NOL4: variants seen among roughly 807,000 people sequenced by gnomAD.
NOL4 encodes the protein nucleolar protein 4.
NOL4 carries 17 observed loss-of-function variants against 75.9 expected under a neutral mutation model. That is an observed-to-expected ratio of 0.22 (90% CI 0.15 to 0.34). NOL4 has a LOEUF of 0.34. NOL4 is among the 10% of genes least tolerant of loss of function. The pLI, the probability that NOL4 is intolerant of heterozygous loss-of-function variation, is 1.00. For missense variants in NOL4, 614 were observed against 793.5 expected (o/e 0.77, Z 2.72); for synonymous variants, 292 against 289.9 (o/e 1.01, Z -0.07).
chr18:34,069,689 G>T (rs1409765752), intron 5 of NOL4, among the ~76,000 whole-genome samples: 1 of 151,932 alleles, frequency 6.6e-6, no homozygotes, highest in East Asian at 1.9e-4. Flanking sequence ...ACCCACAATC[G>T]CAGCAACCAG....
At chr18:34,015,729 C>T (rs2074650881) in intron 6 of NOL4, among the ~76,000 whole-genome samples, 1 of 151,988 alleles carries the variant, frequency 6.6e-6, no homozygotes, top group African/African-American at 2.4e-5. Flanking sequence ...ACACATGTCC[C>T]CCGAATGCCT....
At chr18:33,983,681 A>G (rs2072186321) in intron 6 of NOL4, among the ~76,000 whole-genome samples, 1 of 151,822 alleles carries the variant, frequency 6.6e-6, no homozygotes, top group African/African-American at 2.4e-5. Flanking sequence ...CATGCATAAT[A>G]TATATTTACA....
At chr18:34,094,648 G>A (rs999148664) in intron 4 of NOL4, among the ~76,000 whole-genome samples, 3 of 152,182 alleles carry the variant, frequency 2.0e-5, no homozygotes, top group African/African-American at 7.2e-5. Context: ...TGTGCAAAAT[G>A]TAAATGTTTA....
chr18:33,928,930 G>T (rs972100353), intron 9 of NOL4, among the ~76,000 whole-genome samples: 10 of 152,092 alleles, frequency 6.6e-5, no homozygotes, highest in African/African-American at 2.4e-4. Flanking sequence ...AGATTATTTT[G>T]TAGCAGTTAA....
At chr18:34,162,605 C>T (rs1007216687) in intron 1 of NOL4, among the ~76,000 whole-genome samples, 1 of 152,062 alleles carries the variant, frequency 6.6e-6, no homozygotes, top group Non-Finnish European at 1.5e-5. Flanking sequence ...AATAGCTTAC[C>T]AACCAAAAAG....
At chr18:34,035,963 G>T (rs1005499830) in intron 5 of NOL4, among the ~76,000 whole-genome samples, 1 of 152,078 alleles carries the variant, frequency 6.6e-6, no homozygotes, top group Non-Finnish European at 1.5e-5. Context: ...GTAATGAGTA[G>T]TGAGATTGAA....
intron 1 of NOL4, among the ~76,000 whole-genome samples, chr18:34,149,806 A>T (rs906789124): frequency 1.3e-5 from 2 of 151,700 alleles, no homozygotes; most frequent in Non-Finnish European, 3.0e-5. Flanking sequence ...GAAAATGCTT[A>T]GTGATCATTA....
At chr18:34,036,693 G>A (rs554507100) in intron 5 of NOL4, among the ~76,000 whole-genome samples, 106 of 152,280 alleles carry the variant, frequency 7.0e-4, no homozygotes, top group African/African-American at 2.5e-3. Context: ...GGAGGCTGAG[G>A]TGGGTGAATC....
chr18:33,897,137 A>G (rs1220134473), intron 9 of NOL4, among the ~76,000 whole-genome samples: 1 of 152,152 alleles, frequency 6.6e-6, no homozygotes, highest in Non-Finnish European at 1.5e-5. Flanking sequence ...GAGGTTATGG[A>G]GAAAAGGGAA....
chr18:33,917,772 A>G (rs1298567321), intron 9 of NOL4, among the ~76,000 whole-genome samples: 1 of 152,070 alleles, frequency 6.6e-6, no homozygotes, highest in African/African-American at 2.4e-5. Flanking sequence ...ACAAGGTGCC[A>G]GGATTATAGG....
intron 1 of NOL4, among the ~76,000 whole-genome samples, chr18:34,197,499 C>A (rs1042309193): frequency 6.6e-6 from 1 of 151,912 alleles, no homozygotes; most frequent in Non-Finnish European, 1.5e-5. Context: ...CAGAAGCTAA[C>A]GAATAGTGGC....
chr18:33,972,287 C>T (rs915716988), intron 6 of NOL4, among the ~76,000 whole-genome samples: 3 of 150,082 alleles, frequency 2.0e-5, no homozygotes, highest in Admixed American at 6.6e-5. Context: ...TAAAAAAAAA[C>T]AAATAACCTG....
chr18:33,877,383 G>C (rs562391862), intron 10 of NOL4, among the ~76,000 whole-genome samples: 11 of 150,164 alleles, frequency 7.3e-5, no homozygotes, highest in Non-Finnish European at 1.6e-4. Context: ...AGACGACTGA[G>C]GTGGAAGCAT....
chr18:33,899,700 C>A (rs114961805), intron 9 of NOL4, among the ~76,000 whole-genome samples: 4 of 152,102 alleles, frequency 2.6e-5, no homozygotes, highest in Admixed American at 1.3e-4. Context: ...TGTTTACAGC[C>A]GGGAACTCCC....
intron 7 of NOL4, among the ~76,000 whole-genome samples, 177 bp from the exon 8 acceptor site, chr18:33,957,694 TG>T: frequency 6.6e-6 from 1 of 151,970 alleles, no homozygotes; most frequent in East Asian, 1.9e-4. Context: ...TCTAAATGGT[TG>T]GATTAAAAAA....
chr18:34,113,115 G>A (rs1277593301), intron 2 of NOL4, among the ~76,000 whole-genome samples: 3 of 152,076 alleles, frequency 2.0e-5, no homozygotes, highest in African/African-American at 4.8e-5. Context: ...GACTACAGGT[G>A]CGGACCACTA....
rs201753634 is a variant in NOL4 at position 33,958,276 on chromosome 18, G to C, written c.1199C>G (p.Thr400Arg). ...CAGCCGCTCGGCTTCAACGCCGTCT[G>C]TCTCATTAACTTTCTCCGAATCGTC... ...DHDDSEKVNETDGVEAERLKA... is the reference protein window; with the variant it reads ...DHDDSEKVNERDGVEAERLKA... Residue 400 changes from threonine (T) to arginine (R), a missense_variant, in exon 7 of 11, where the codon ACA (threonine) becomes AGA (arginine). Physicochemically the swap from Thr to Arg is moderately conservative, Grantham distance 71. This residue lies in a region of NOL4 where 196 missense variants were observed against 167.9 expected (regional missense o/e 1.17). Transcript: ENST00000261592. 6.2e-7 allele frequency: 1 copy of C among 1,613,750 alleles called. No individual in the cohort carries two copies.
intron 9 of NOL4, among the ~76,000 whole-genome samples, chr18:33,915,826 G>A (rs1320983118): frequency 6.6e-6 from 1 of 152,110 alleles, no homozygotes; most frequent in Non-Finnish European, 1.5e-5. Context: ...CTCTCTCCTG[G>A]GAACCAGGTA....
At chr18:34,156,528 C>T (rs921847123) in intron 1 of NOL4, 14 of 152,018 alleles carry the variant, frequency 9.2e-5, no homozygotes, top group Middle Eastern at 3.2e-3. Context: ...TAGGATTTAT[C>T]GGTAAGGACT....
Sources: gnomAD v4.1 joint callset for allele counts (sites outside exome capture counted in the v4.1 genomes callset) on GRCh38, gnomAD v4.1.1 for gene constraint, gnomAD v4.1.1 regional missense constraint, MANE v1.5 for transcripts, NCBI Gene and HGNC (gene_info 2026-07-23, HGNC 2026-07-21) for gene names.